FHL2: variants seen among roughly 807,000 people sequenced by gnomAD.
FHL2 encodes the protein four and a half LIM domains 2.
Under a neutral mutation model 32.7 loss-of-function variants are expected in FHL2, and 20 were observed. The ratio of observed to expected loss-of-function variants is 0.61; its 90% confidence interval spans 0.43 to 0.89. The LOEUF (loss-of-function observed/expected upper bound fraction) is 0.89, where lower values mean the gene tolerates loss of function less well. FHL2 is among the 40% of genes least tolerant of loss of function. The pLI is 0.00. For synonymous variants in FHL2, 123 were observed against 128.1 expected, an observed-to-expected ratio of 0.96 and a Z score of 0.27; for missense variants, 311 against 358.6, an observed-to-expected ratio of 0.87 and a Z score of 1.07.
intron 1 of FHL2, among the ~76,000 whole-genome samples, chr2:105,422,982 C>T (rs974496523): frequency 6.6e-6 from 1 of 152,174 alleles, no homozygotes. Context: ...CCTTTTCCTG[C>T]AGCTCAGACG....
At chr2:105,405,126 A>C (rs1211725769) in intron 1 of FHL2, among the ~76,000 whole-genome samples, 1 of 152,222 alleles carries the variant, frequency 6.6e-6, no homozygotes, top group East Asian at 1.9e-4. Flanking sequence ...TAGACTCTGA[A>C]AAACTTTGCT....
intron 1 of FHL2, among the ~76,000 whole-genome samples, chr2:105,406,488 T>C (rs765478195): frequency 1.3e-5 from 2 of 150,626 alleles, no homozygotes; most frequent in Non-Finnish European, 3.0e-5. Flanking sequence ...TTTTGATAAC[T>C]TGAAATTCAA....
At chr2:105,433,636 A>G (rs765432050) in intron 1 of FHL2, among the ~76,000 whole-genome samples, 47 of 151,808 alleles carry the variant, frequency 3.1e-4, no homozygotes, top group Non-Finnish European at 6.2e-4. Flanking sequence ...CGGCGTCCTC[A>G]CCTGTAAACA....
chr2:105,407,915 A>G (rs1683686170), intron 1 of FHL2, among the ~76,000 whole-genome samples: 1 of 152,188 alleles, frequency 6.6e-6, no homozygotes, highest in African/African-American at 2.4e-5. Flanking sequence ...TTAGGAGTCT[A>G]TCTGGGGAAT....
At chr2:105,366,216 A>AC (rs1680622809) in intron 5 of FHL2, among the ~76,000 whole-genome samples, 1 of 152,004 alleles carries the variant, frequency 6.6e-6, no homozygotes, top group African/African-American at 2.4e-5. Context: ...TCTCAAAAAA[A>AC]GAAAAAAAAA....
intron 2 of FHL2, among the ~76,000 whole-genome samples, chr2:105,391,835 G>A (rs1365311506): frequency 1.3e-5 from 2 of 152,186 alleles, no homozygotes; most frequent in Non-Finnish European, 2.9e-5. Flanking sequence ...AATAATTCCT[G>A]CTCCTTAGCT....
At chr2:105,410,706 T>C (rs1325485665) in intron 1 of FHL2, among the ~76,000 whole-genome samples, 1 of 152,166 alleles carries the variant, frequency 6.6e-6, no homozygotes, top group Non-Finnish European at 1.5e-5. Context: ...GTGTGTGGTA[T>C]GTGCGTCTTC....
At chr2:105,408,684 T>C (rs1683706790) in intron 1 of FHL2, among the ~76,000 whole-genome samples, 1 of 152,334 alleles carries the variant, frequency 6.6e-6, no homozygotes, top group South Asian at 2.1e-4. Context: ...ATGGCCCTGA[T>C]CCTAGATGCA....
intron 2 of FHL2, among the ~76,000 whole-genome samples, chr2:105,394,836 TA>T (rs1023406718): frequency 3.9e-5 from 6 of 152,026 alleles, no homozygotes; most frequent in Non-Finnish European, 5.9e-5. Context: ...ACTTCCAACT[TA>T]AAAAAAATAA....
chr2:105,398,804 G>T (rs1214896002), intron 1 of FHL2, 38 bp downstream of exon 1: 3 of 1,381,712 alleles, frequency 2.2e-6, no homozygotes, highest in Admixed American at 3.0e-5. Context: ...CCCTCTCCCA[G>T]TGGTCTTCCC....
In FHL2 at chr2:105,407,586, C is replaced by A. The variant is rs1299454252; in HGVS notation, c.-24-21046G>T. Among the ~76,000 whole-genome samples the A allele has an allele frequency of 6.6e-5, 10 of 151,812 alleles. No individual in the cohort carries two copies. The East Asian group carries it at 1.7e-3, about 26-fold the overall frequency. On this transcript the variant is annotated intron_variant, in intron 1 of 5. Transcript: ENST00000393352. ...AATTAAAGCAAAGCCAAGAGCTTGG[C>A]CTTCCAGATATCAGCAGATGCAAAC... is the stretch of plus-strand genomic sequence containing the variant.
At position 105,438,274 on chromosome 2, in the gene FHL2, G is replaced by A. The variant is rs1179126992; in HGVS notation, c.-25+125C>T. On this transcript the variant is annotated intron_variant, in intron 1 of 5. Coordinates refer to the FHL2 transcript ENST00000393352. ...GGGTCAGCGAGCTCCCAGTGCCTGA[G>A]AGCTTCCTCCCAGGGCTGGACACTC... 6 of 819,392 alleles carry A rather than the reference G, an allele frequency of 7.3e-6. No individual in the cohort carries two copies. The African/African-American group carries it at 9.3e-5, about 13-fold the overall frequency. The allele number at this position is 819,392 out of a possible 1,614,324, so 50.8% of individuals were successfully genotyped here. A position where few individuals can be genotyped will look rare whatever the true frequency, so the allele number is the denominator to read the frequency against.
intron 1 of FHL2, among the ~76,000 whole-genome samples, chr2:105,417,684 CAAAAA>C (rs11353319): frequency 1.1e-5 from 1 of 89,392 alleles, no homozygotes; most frequent in Non-Finnish European, 2.2e-5. Context: ...ACTCCATCTC[CAAAAA>C]AAAAAAAAAA....
At chr2:105,386,665 T>A in intron 2 of FHL2, 125 bp from the exon 3 acceptor site, 3 of 711,040 alleles carry the variant, frequency 4.2e-6, no homozygotes, top group Non-Finnish European at 6.8e-6. Flanking sequence ...TCTGGATGAA[T>A]AATTAAAACT....
intron 1 of FHL2, among the ~76,000 whole-genome samples, chr2:105,420,426 C>A (rs142205204): frequency 1.3e-5 from 2 of 152,274 alleles, no homozygotes; most frequent in African/African-American, 4.8e-5. Context: ...TAACTAATTA[C>A]TCGGTAACAA....
chr2:105,359,184 G>C (rs1398370228), downstream of FHL2: 1 of 148,506 alleles, frequency 6.7e-6, no homozygotes, highest in Non-Finnish European at 1.5e-5. Flanking sequence ...CTATTTACTA[G>C]AAGTGGAATT....
At chr2:105,413,987 T>C (rs957859541) in intron 1 of FHL2, among the ~76,000 whole-genome samples, 1 of 152,204 alleles carries the variant, frequency 6.6e-6, no homozygotes, top group Non-Finnish European at 1.5e-5. Context: ...ACTGCCACTC[T>C]GTACTTCAGA....
At chr2:105,387,338 C>T (rs564642208) in intron 2 of FHL2, among the ~76,000 whole-genome samples, 1 of 152,226 alleles carries the variant, frequency 6.6e-6, no homozygotes, top group South Asian at 2.1e-4. Context: ...GAGATCTGAC[C>T]TGGGAAACCT....
intron 3 of FHL2, among the ~76,000 whole-genome samples, chr2:105,381,776 G>A (rs906633487): frequency 6.6e-6 from 1 of 152,156 alleles, no homozygotes; most frequent in Non-Finnish European, 1.5e-5. Context: ...GAAGATCCAA[G>A]AAGGTAATTT....
Sources: gnomAD v4.1 joint callset for allele counts (sites outside exome capture counted in the v4.1 genomes callset) on GRCh38, gnomAD v4.1.1 for gene constraint, MANE v1.5 for transcripts, NCBI Gene and HGNC (gene_info 2026-07-23, HGNC 2026-07-21) for gene names.